ASIC2: variants seen among roughly 807,000 people sequenced by gnomAD.
ASIC2 encodes the protein acid-sensing ion channel 2.
In ASIC2, 25 loss-of-function variants were observed where a neutral mutation model predicts 57.3. The observed-to-expected ratio is 0.44, with a 90% CI of 0.32 to 0.61. ASIC2 has a LOEUF of 0.61. Ranked by LOEUF, ASIC2 falls within the 20% of genes least tolerant of loss-of-function variation. The pLI is 0.06. For missense variants in ASIC2, 641 were observed against 738.1 expected (o/e 0.87, Z 1.52); for synonymous variants, 319 against 307.5 (o/e 1.04, Z -0.39).
intron 1 of ASIC2, among the ~76,000 whole-genome samples, chr17:34,011,621 G>A (rs555243523): frequency 6.6e-6 from 1 of 152,144 alleles, no homozygotes; most frequent in East Asian, 1.9e-4. Context: ...TAATAGGCAT[G>A]GCCTCCGCCT....
intron 1 of ASIC2, among the ~76,000 whole-genome samples, chr17:33,901,294 G>C (rs1915226113): frequency 1.3e-5 from 2 of 152,288 alleles, no homozygotes; most frequent in East Asian, 3.9e-4. Flanking sequence ...TTCTGGAAGA[G>C]AAATACTCCC....
chr17:33,562,665 G>C (rs958414405), intron 1 of ASIC2, among the ~76,000 whole-genome samples: 2 of 152,188 alleles, frequency 1.3e-5, no homozygotes, highest in African/African-American at 4.8e-5. Flanking sequence ...TCAGACCAGA[G>C]CTGGCATGTG....
intron 1 of ASIC2, among the ~76,000 whole-genome samples, chr17:33,185,752 G>C (rs1447241047): frequency 6.6e-6 from 1 of 152,172 alleles, no homozygotes; most frequent in African/African-American, 2.4e-5. Context: ...AAGGCCGAGG[G>C]AAGAGCCACT....
At chr17:33,461,186 A>G (rs912587795) in intron 1 of ASIC2, among the ~76,000 whole-genome samples, 2 of 152,206 alleles carry the variant, frequency 1.3e-5, no homozygotes, top group Admixed American at 6.5e-5. Context: ...CACCCACCCA[A>G]GGAAGCACTC....
At chr17:33,178,722 G>A (rs1261901721) in intron 1 of ASIC2, among the ~76,000 whole-genome samples, 1 of 152,220 alleles carries the variant, frequency 6.6e-6, no homozygotes, top group East Asian at 1.9e-4. Flanking sequence ...TAGAGGATCA[G>A]TTTCCAATGT....
intron 1 of ASIC2, among the ~76,000 whole-genome samples, chr17:34,109,742 G>T (rs928945107): frequency 1.6e-4 from 25 of 152,070 alleles, no homozygotes; most frequent in African/African-American, 6.0e-4. Context: ...TTGAGGACTT[G>T]CTCATTCATA....
At chr17:33,367,512 G>A (rs1437307886) in intron 1 of ASIC2, among the ~76,000 whole-genome samples, 1 of 152,156 alleles carries the variant, frequency 6.6e-6, no homozygotes, top group South Asian at 2.1e-4. Context: ...TGCCAAGGGA[G>A]GGGCAACTGC....
intron 8 of ASIC2, among the ~76,000 whole-genome samples, chr17:33,017,284 C>T (rs890435305): frequency 6.6e-6 from 1 of 152,212 alleles, no homozygotes; most frequent in Admixed American, 6.5e-5. Flanking sequence ...GCAGGAGGGG[C>T]TTGGAGCTGG....
Position 33,292,275 on chromosome 17 carries a change from G to A in ASIC2, c.-160C>T, listed in dbSNP as rs1905517107. The A allele has an allele frequency of 2.0e-6, 2 of 989,346 alleles. No individual in the cohort carries two copies. Among genetic ancestry groups the A allele is most frequent in the African/African-American group, 1.8e-5 (1 of 56,972 alleles). The allele number at this position is 989,346 out of a possible 1,614,324, so 61.3% of individuals were successfully genotyped here. On this transcript the variant is annotated 5_prime_UTR_variant, in exon 1 of 10. Coordinates refer to ENST00000225823, the MANE Select transcript of ASIC2 (RefSeq NM_183377.2). ...GGAGCTCCGGTGGCGCGGCATGCCCGCCCGGCGCCGCCGCTGCCGCCTCCG... is the reference window on the plus strand; with the variant it reads ...GGAGCTCCGGTGGCGCGGCATGCCCACCCGGCGCCGCCGCTGCCGCCTCCG...
At chr17:34,039,332 T>C in intron 1 of ASIC2, 2 of 1,613,962 alleles carry the variant, frequency 1.2e-6, no homozygotes, top group Non-Finnish European at 1.7e-6. Context: ...GAGGGACTGT[T>C]TTGCTGAGCT....
intron 1 of ASIC2, chr17:34,155,898 A>G: frequency 6.7e-7 from 1 of 1,485,312 alleles, no homozygotes; most frequent in East Asian, 2.3e-5. Flanking sequence ...GCACAAGGAA[A>G]CCCCAAACCA....
rs953381907 is a variant in ASIC2 at position 33,022,382 on chromosome 17, G to C, written c.1350-1072C>G. 2.6e-5 allele frequency among the ~76,000 whole-genome samples: 4 copies of C among 152,310 alleles called. No homozygotes were observed. The East Asian group carries it at 5.8e-4, about 22-fold the overall frequency. ...TAGCAGCTACCCCGCTGGGCATTGC[G>C]GACACAGAACATTTCCATCATCACA... is the stretch of plus-strand genomic sequence containing the variant. On this transcript the variant is annotated intron_variant, in intron 6 of 9. Transcript: ENST00000225823.
intron 1 of ASIC2, among the ~76,000 whole-genome samples, chr17:33,653,952 A>G (rs1381460081): frequency 2.0e-5 from 3 of 152,236 alleles, no homozygotes; most frequent in African/African-American, 7.2e-5. Context: ...GGCAAACATT[A>G]TATTCTTTTT....
chr17:33,015,884 T>G, intron 9 of ASIC2, 87 bp downstream of exon 9: 1 of 1,454,454 alleles, frequency 6.9e-7, no homozygotes, highest in Non-Finnish European at 9.6e-7. Context: ...GAGTCACATC[T>G]TTCCTGCCCG....
chr17:34,001,312 C>G (rs2142015441), intron 1 of ASIC2: 1 of 152,620 alleles, frequency 6.6e-6, no homozygotes, highest in African/African-American at 2.4e-5. Context: ...CTGCTGGAGT[C>G]CTCATGTGGG....
At chr17:33,035,843 C>T (rs753093403) in intron 3 of ASIC2, among the ~76,000 whole-genome samples, 1 of 152,202 alleles carries the variant, frequency 6.6e-6, no homozygotes, top group Non-Finnish European at 1.5e-5. Context: ...AGGGCTCCTC[C>T]TCTGTGGGTT....
chr17:33,422,899 A>G (rs1911095146), intron 1 of ASIC2, among the ~76,000 whole-genome samples: 1 of 152,142 alleles, frequency 6.6e-6, no homozygotes, highest in Admixed American at 6.5e-5. Flanking sequence ...AACTGAGACT[A>G]AAGGCAGGAA....
chr17:33,440,110 G>A (rs536036709), intron 1 of ASIC2, among the ~76,000 whole-genome samples: 6 of 152,140 alleles, frequency 3.9e-5, no homozygotes, highest in Non-Finnish European at 7.4e-5. Context: ...GAACATTTCC[G>A]TCCCCTCAAA....
At chr17:33,988,093 A>C (rs1905881130) in intron 1 of ASIC2, among the ~76,000 whole-genome samples, 1 of 152,206 alleles carries the variant, frequency 6.6e-6, no homozygotes, top group African/African-American at 2.4e-5. Context: ...AGGGATTGGG[A>C]GGAAGAGCAT....
Sources: allele counts gnomAD v4.1 joint callset (sites outside exome capture counted in the v4.1 genomes callset), GRCh38; gene constraint gnomAD v4.1.1; transcripts MANE v1.5; gene names NCBI Gene and HGNC (gene_info 2026-07-23, HGNC 2026-07-21).